The following CNTN6 variants were observed in gnomAD, a reference collection of about 807,000 sequenced individuals.
The protein encoded by CNTN6 is contactin 6, also known as contactin-6.
In CNTN6, 137 loss-of-function variants were observed where a neutral mutation model predicts 122.8. That is an observed-to-expected ratio of 1.12 (90% CI 0.97 to 1.29). The LOEUF (loss-of-function observed/expected upper bound fraction) is 1.29. Among genes scored for constraint, CNTN6 ranks in the 50% most tolerant of loss-of-function variants. CNTN6 has a pLI of 0.00. For missense variants in CNTN6, 1,634 were observed against 1,223.4 expected (o/e 1.34, Z -5.01); for synonymous variants, 570 against 426.0 (o/e 1.34, Z -4.16).
intron 4 of CNTN6, among the ~76,000 whole-genome samples, chr3:1,235,022 A>G (rs551470103): frequency 6.6e-6 from 1 of 152,316 alleles, no homozygotes; most frequent in Non-Finnish European, 1.5e-5. Context: ...AGATTATTCA[A>G]TGCTTTAGCC....
At chr3:1,393,875 A>ATGAT (rs1334003936) in intron 20 of CNTN6, among the ~76,000 whole-genome samples, 2 of 152,242 alleles carry the variant, frequency 1.3e-5, no homozygotes, top group African/African-American at 4.8e-5. Flanking sequence ...GATTTTCTGT[A>ATGAT]TGATATATAC....
chr3:1,396,536 G>A (rs1576094523), intron 20 of CNTN6, among the ~76,000 whole-genome samples: 2 of 152,252 alleles, frequency 1.3e-5, no homozygotes, highest in Admixed American at 6.5e-5. Flanking sequence ...TAGAGATGAA[G>A]ATACTTACCT....
At chr3:1,346,992 G>C (rs1224391206) in intron 11 of CNTN6, among the ~76,000 whole-genome samples, 3 of 152,170 alleles carry the variant, frequency 2.0e-5, no homozygotes, top group Non-Finnish European at 4.4e-5. Context: ...AGATTAAAAT[G>C]TCGCATGTTC....
intron 20 of CNTN6, among the ~76,000 whole-genome samples, chr3:1,386,022 C>G (rs569665249): frequency 6.6e-6 from 1 of 152,102 alleles, no homozygotes; most frequent in Admixed American, 6.6e-5. Flanking sequence ...CCAAGTATAT[C>G]GATGAAAGAC....
chr3:1,174,075 C>T (rs1476357877), intron 2 of CNTN6, among the ~76,000 whole-genome samples: 1 of 152,184 alleles, frequency 6.6e-6, no homozygotes, highest in African/African-American at 2.4e-5. Context: ...ATTCAAATAT[C>T]TTCATAGTGT....
chr3:1,254,400 T>A (rs921005593), intron 4 of CNTN6, among the ~76,000 whole-genome samples: 1 of 152,234 alleles, frequency 6.6e-6, no homozygotes, highest in Non-Finnish European at 1.5e-5. Flanking sequence ...TGTGTAGTAT[T>A]TCATTGGATT....
chr3:1,158,844 A>ATATGTGTGTG (rs1553610616), intron 2 of CNTN6, among the ~76,000 whole-genome samples: 1 of 13,824 alleles, frequency 7.2e-5, no homozygotes, highest in South Asian at 2.8e-3. Context: ...ACACACATAT[A>ATATGTGTGTG]TATACATACA....
chr3:1,314,613 T>C (rs1473099108), intron 7 of CNTN6, among the ~76,000 whole-genome samples: 1 of 152,016 alleles, frequency 6.6e-6, no homozygotes, highest in Non-Finnish European at 1.5e-5. Flanking sequence ...GAAATCAGGA[T>C]GAACTAGGTC....
intron 2 of CNTN6, among the ~76,000 whole-genome samples, chr3:1,157,255 T>C (rs1254032496): frequency 6.6e-6 from 1 of 151,718 alleles, no homozygotes; most frequent in Non-Finnish European, 1.5e-5. Flanking sequence ...ATTGTCTCTG[T>C]TGCCCAGGCT....
intron 2 of CNTN6, among the ~76,000 whole-genome samples, chr3:1,197,148 G>C (rs1325689908): frequency 6.6e-6 from 1 of 152,096 alleles, no homozygotes; most frequent in Non-Finnish European, 1.5e-5. Context: ...AGTTGTTTCA[G>C]GTTATAGACA....
In CNTN6 at chr3:1,246,026, G is replaced by A. The variant is rs142148553; in HGVS notation, c.358+18033G>A. Among the ~76,000 whole-genome samples the A allele has an allele frequency of 2.5e-3, 381 of 152,244 alleles. 2 individuals carry two copies. The highest frequency in any genetic ancestry group is 8.5e-3 in the African/African-American group (354 of 41,532). On this transcript the variant is annotated intron_variant, in intron 4 of 22. Coordinates refer to ENST00000446702, the MANE Select transcript of CNTN6 (RefSeq NM_001289080.2). ...CATGCAGCCTGAGGGCTGTAGGTTG[G>A]ACAAGCTTGTTTTAAGGTATTAATT... is the stretch of plus-strand genomic sequence containing the variant.
chr3:1,325,750 A>G (rs1701444470), intron 8 of CNTN6, 65 bp from the exon 9 acceptor site: 2 of 1,553,154 alleles, frequency 1.3e-6, no homozygotes, highest in Non-Finnish European at 1.7e-6. Flanking sequence ...CAGCCCTTGT[A>G]ATGTAGCATA....
chr3:1,158,045 A>G (rs767198412), intron 2 of CNTN6, among the ~76,000 whole-genome samples: 2 of 152,094 alleles, frequency 1.3e-5, no homozygotes, highest in Non-Finnish European at 2.9e-5. Context: ...TGGGGGCCCT[A>G]GTTTTAGTCT....
At chr3:1,385,284 C>A (rs1299397699) in intron 19 of CNTN6, among the ~76,000 whole-genome samples, 1 of 152,048 alleles carries the variant, frequency 6.6e-6, no homozygotes, top group African/African-American at 2.4e-5. Flanking sequence ...TGATTATATA[C>A]AAATGTGTTT....
chr3:1,304,825 T>C (rs527574434), intron 7 of CNTN6, among the ~76,000 whole-genome samples: 4 of 151,562 alleles, frequency 2.6e-5, no homozygotes, highest in Non-Finnish European at 5.9e-5. Context: ...AACCCCCTTA[T>C]CTACAAAAAA....
intron 8 of CNTN6, 141 bp from the exon 9 acceptor site, chr3:1,325,673 TC>T: frequency 1.5e-6 from 1 of 679,342 alleles, no homozygotes. Context: ...CTCCTGCATG[TC>T]CCCTCCCTCA....
chr3:1,313,687 A>G (rs1699715020), intron 7 of CNTN6, among the ~76,000 whole-genome samples: 1 of 152,132 alleles, frequency 6.6e-6, no homozygotes. Flanking sequence ...GAAAGCTGAT[A>G]TAGGCATCAT....
intron 2 of CNTN6, among the ~76,000 whole-genome samples, chr3:1,170,235 T>A (rs1215871164): frequency 8.4e-5 from 1 of 11,906 alleles, no homozygotes; most frequent in Non-Finnish European, 1.9e-4. Flanking sequence ...AGGCTCCATC[T>A]CAAAAAAAAA....
At chr3:1,392,499 A>G (rs1694314590) in intron 20 of CNTN6, among the ~76,000 whole-genome samples, 1 of 151,764 alleles carries the variant, frequency 6.6e-6, no homozygotes, top group African/African-American at 2.4e-5. Context: ...GGCATGGGCA[A>G]GGACTTCATG....
Sources: allele counts gnomAD v4.1 joint callset (sites outside exome capture counted in the v4.1 genomes callset), GRCh38; gene constraint gnomAD v4.1.1; transcripts MANE v1.5; gene names NCBI Gene and HGNC (gene_info 2026-07-23, HGNC 2026-07-21).